The following GABRG3 variants were observed in gnomAD, a reference collection of about 807,000 sequenced individuals.
GABRG3 encodes gamma-aminobutyric acid type A receptor subunit gamma3, also known as gamma-aminobutyric acid receptor subunit gamma-3.
Under a neutral mutation model 48.8 loss-of-function variants are expected in GABRG3, and 25 were observed. That is an observed-to-expected ratio of 0.51 (90% confidence interval 0.37 to 0.72). The LOEUF (loss-of-function observed/expected upper bound fraction) is 0.72, where lower values mean the gene tolerates loss of function less well. Ranked by LOEUF, GABRG3 falls within the 30% of genes least tolerant of loss-of-function variation. The pLI is 0.00. For synonymous variants in GABRG3, 227 were observed against 217.6 expected, an observed-to-expected ratio of 1.04 and a Z score of -0.38; for missense variants, 394 against 577.9, an observed-to-expected ratio of 0.68 and a Z score of 3.26.
chr15:27,195,104 CT>C (rs1461337468), intron 3 of GABRG3, among the ~76,000 whole-genome samples: 1 of 150,670 alleles, frequency 6.6e-6, no homozygotes, highest in African/African-American at 2.4e-5. Flanking sequence ...ATTTTCTGAG[CT>C]TTTTCATTTA....
intron 5 of GABRG3, among the ~76,000 whole-genome samples, chr15:27,354,968 T>C (rs982747069): frequency 2.6e-5 from 4 of 152,186 alleles, no homozygotes; most frequent in Admixed American, 6.5e-5. Context: ...ATATGTGCTT[T>C]CTGGTTCTAA....
chr15:27,203,951 G>A (rs1888771141), intron 3 of GABRG3, among the ~76,000 whole-genome samples: 1 of 151,466 alleles, frequency 6.6e-6, no homozygotes, highest in African/African-American at 2.4e-5. Flanking sequence ...CTGAAAGTTA[G>A]GCCTTTGTCA....
At chr15:27,313,202 A>G (rs1482671951) in intron 3 of GABRG3, among the ~76,000 whole-genome samples, 1 of 141,762 alleles carries the variant, frequency 7.1e-6, no homozygotes, top group Admixed American at 7.3e-5. Context: ...ATGTGTATAT[A>G]TATATATGTA....
intron 3 of GABRG3, among the ~76,000 whole-genome samples, chr15:27,248,451 A>C (rs1170923152): frequency 1.3e-5 from 2 of 152,164 alleles, no homozygotes; most frequent in Admixed American, 6.5e-5. Flanking sequence ...TGAGTATACC[A>C]TGTACAATGA....
chr15:27,150,019 T>C (rs961979163), intron 3 of GABRG3, among the ~76,000 whole-genome samples: 4 of 152,204 alleles, frequency 2.6e-5, no homozygotes, highest in African/African-American at 9.6e-5. Context: ...GTAAAATAAG[T>C]GTAATATCTT....
In GABRG3 at chr15:26,977,125, T is replaced by C. The variant is rs767892532; in HGVS notation, c.177T>C (p.Asp59=). ...TCAACAAGTTGCTAAGAGAATATGA[T>C]AAAAAGCTGAGGCCAGATATTGGAA... The part of the protein sequence containing the change: ...LILNKLLREY[D]KKLRPDIGIK... Residue 59 remains aspartate, a synonymous_variant, in exon 2 of 10, where the codon GAT becomes GAC. Coordinates refer to ENST00000615808, the MANE Select transcript of GABRG3 (RefSeq NM_033223.5). 6.2e-7 allele frequency: 1 copy of C among 1,613,646 alleles called. No individual in the cohort carries two copies. Among genetic ancestry groups the C allele is most frequent in the South Asian group, 1.1e-5 (1 of 91,036 alleles).
chr15:27,201,482 CAG>C (rs1039704355), intron 3 of GABRG3, among the ~76,000 whole-genome samples: 7 of 150,702 alleles, frequency 4.6e-5, no homozygotes, highest in African/African-American at 9.8e-5. Context: ...AGGAGGAAAA[CAG>C]AGGGAAATAG....
chr15:27,231,048 T>TGA (rs1889781949), intron 3 of GABRG3, among the ~76,000 whole-genome samples: 1 of 150,038 alleles, frequency 6.7e-6, no homozygotes, highest in African/African-American at 2.5e-5. Context: ...TGTGTGTGTG[T>TGA]GATTTCTTCC....
intron 5 of GABRG3, among the ~76,000 whole-genome samples, chr15:27,454,134 T>C (rs1889191996): frequency 6.6e-6 from 1 of 152,242 alleles, no homozygotes. Flanking sequence ...TTTGGGGTTG[T>C]ACCTTGTTTA....
At chr15:27,440,544 A>G (rs1382030758) in intron 5 of GABRG3, among the ~76,000 whole-genome samples, 17 of 152,188 alleles carry the variant, frequency 1.1e-4, no homozygotes, top group Admixed American at 7.9e-4. Context: ...TCTTGGCTAA[A>G]CATTCATAGG....
chr15:27,350,800 G>C (rs973362530), intron 5 of GABRG3, among the ~76,000 whole-genome samples: 4 of 152,192 alleles, frequency 2.6e-5, no homozygotes, highest in African/African-American at 9.7e-5. Flanking sequence ...GGACAGACAG[G>C]CTTTGTGGCC....
intron 3 of GABRG3, among the ~76,000 whole-genome samples, chr15:27,308,337 CATA>C (rs1266671395): frequency 6.9e-5 from 9 of 131,260 alleles, no homozygotes; most frequent in African/African-American, 2.8e-5. Context: ...TATATATAAA[CATA>C]ATATAAACAT....
At chr15:27,170,017 T>G (rs1409922650) in intron 3 of GABRG3, among the ~76,000 whole-genome samples, 1 of 152,222 alleles carries the variant, frequency 6.6e-6, no homozygotes, top group Non-Finnish European at 1.5e-5. Context: ...AGCTATTTTA[T>G]GATTAACAAG....
In GABRG3 at chr15:27,285,945, A is replaced by G. The variant is rs899328223; in HGVS notation, c.271-40864A>G. ...GTGCATCTCACTCACCTCTCTATCA[A>G]TGACACAGTGCTTGGCCCATCGTAG... On this transcript the variant is annotated intron_variant, in intron 3 of 9. Coordinates refer to ENST00000615808, the MANE Select transcript of GABRG3 (RefSeq NM_033223.5). Among the ~76,000 whole-genome samples the G allele has an allele frequency of 3.3e-5, 5 of 152,180 alleles. No individual in the cohort carries two copies. The East Asian group carries it at 7.7e-4, about 23-fold the overall frequency.
intron 3 of GABRG3, among the ~76,000 whole-genome samples, chr15:27,213,392 C>T (rs982831469): frequency 7.2e-5 from 11 of 152,198 alleles, no homozygotes; most frequent in African/African-American, 2.7e-4. Context: ...ATGAAATGAG[C>T]TGATGAGGTT....
At chr15:27,333,400 C>A (rs774333153) in intron 5 of GABRG3, among the ~76,000 whole-genome samples, 7 of 152,128 alleles carry the variant, frequency 4.6e-5, no homozygotes, top group Non-Finnish European at 8.8e-5. Context: ...TAGAGGCCGC[C>A]CGCATTCCAT....
intron 3 of GABRG3, among the ~76,000 whole-genome samples, chr15:27,151,999 T>A (rs1417595530): frequency 1.3e-5 from 2 of 152,232 alleles, no homozygotes; most frequent in Non-Finnish European, 2.9e-5. Context: ...GCAAATTTTT[T>A]AATTTTGATG....
At chr15:27,282,302 A>T (rs1891459691) in intron 3 of GABRG3, among the ~76,000 whole-genome samples, 1 of 151,928 alleles carries the variant, frequency 6.6e-6, no homozygotes, top group Non-Finnish European at 1.5e-5. Flanking sequence ...TTTCTGTTTT[A>T]TTTTCTTTCT....
Position 26,976,943 on chromosome 15 carries a change from G to T in GABRG3, c.54-59G>T, listed in dbSNP as rs545660081. The T allele has an allele frequency of 6.3e-7, 1 of 1,590,908 alleles. No individual in the cohort carries two copies. On this transcript the variant is annotated intron_variant, in intron 1 of 9. Transcript: ENST00000615808. The surrounding 1 kb of genome is among the most constrained non-coding windows in gnomAD (Gnocchi z 7.8). Reference sequence around the variant, plus strand: ...ATGGTACTTGGATAGGACAAACTTAGGCTCTTCCTAGAGCCATTGCTGCCA... The same window carrying T: ...ATGGTACTTGGATAGGACAAACTTATGCTCTTCCTAGAGCCATTGCTGCCA...
Sources: allele counts gnomAD v4.1 joint callset (sites outside exome capture counted in the v4.1 genomes callset), GRCh38; gene constraint gnomAD v4.1.1; non-coding constraint Gnocchi (gnomAD v3.1); transcripts MANE v1.5; gene names NCBI Gene and HGNC (gene_info 2026-07-23, HGNC 2026-07-21).